The following MID2 variants were observed in gnomAD, a reference collection of about 807,000 sequenced individuals.
MID2 encodes the protein midline 2.
In MID2, 13 loss-of-function variants were observed where a neutral mutation model predicts 46.1. The observed-to-expected ratio is 0.28, with a 90% CI of 0.18 to 0.45. The LOEUF is 0.45. MID2 is among the 20% of genes least tolerant of loss of function. The pLI is 1.00. For synonymous variants in MID2, 199 were observed against 212.3 expected, an observed-to-expected ratio of 0.94 and a Z score of 0.55; for missense variants, 431 against 575.4, an observed-to-expected ratio of 0.75 and a Z score of 2.57.
intron 2 of MID2, 36 bp from the exon 3 acceptor site, chrX:107,854,573 G>T: frequency 9.6e-7 from 1 of 1,040,754 alleles, no homozygotes; most frequent in South Asian, 1.9e-5. Flanking sequence ...CCCTCTTCTC[G>T]GTTCCCCTCT....
At chrX:107,852,365 TG>T (rs1359046028) in intron 2 of MID2, among the ~76,000 whole-genome samples, 1 of 112,186 alleles carries the variant, frequency 8.9e-6, no homozygotes, top group East Asian at 2.8e-4. Context: ...AATACATTTT[TG>T]TATTAAATTT....
At chrX:107,925,984 G>A in intron 8 of MID2, 110 bp from the exon 9 acceptor site, 1 of 557,561 alleles carries the variant, frequency 1.8e-6, no homozygotes, top group Non-Finnish European at 2.9e-6. Flanking sequence ...TGGACCAAGA[G>A]TGATCATGTT....
intron 1 of MID2, among the ~76,000 whole-genome samples, chrX:107,835,367 T>C (rs191392668): frequency 5.3e-5 from 6 of 112,185 alleles, no homozygotes; most frequent in African/African-American, 1.9e-4. Flanking sequence ...TTTGGGTATA[T>C]ACCTAGGAGT....
chrX:107,892,721 G>A (rs975902321), intron 3 of MID2, among the ~76,000 whole-genome samples: 3 of 111,846 alleles, frequency 2.7e-5, no homozygotes, highest in African/African-American at 9.8e-5. Context: ...CTTCTCTGCT[G>A]TGAATCTCCC....
chrX:107,895,222 G>A (rs1369560444), intron 3 of MID2: 2 of 104,796 alleles, frequency 1.9e-5, no homozygotes, highest in African/African-American at 7.4e-5. Context: ...TTTTGGGGGG[G>A]GGGTGGATAG....
At chrX:107,839,145 C>G (rs1261485356) in intron 1 of MID2, among the ~76,000 whole-genome samples, 2 of 110,225 alleles carry the variant, frequency 1.8e-5, no homozygotes, top group Non-Finnish European at 3.8e-5. Flanking sequence ...TGCCCTTTTT[C>G]TTTCCTATAC....
intron 2 of MID2, among the ~76,000 whole-genome samples, chrX:107,843,860 A>C (rs1204497251): frequency 9.1e-6 from 1 of 110,277 alleles, no homozygotes; most frequent in Non-Finnish European, 1.9e-5. Context: ...GAAAGGGAGA[A>C]AGTTGGCTGG....
intron 6 of MID2, among the ~76,000 whole-genome samples, chrX:107,917,047 AGGAGAATCACT>A (rs1263888287): frequency 8.9e-6 from 1 of 112,070 alleles, no homozygotes; most frequent in Non-Finnish European, 1.9e-5. Context: ...AGGCTGATGC[AGGAGAATCACT>A]TGAACCCAGA....
chrX:107,886,424 G>T (rs1429666405), intron 3 of MID2, among the ~76,000 whole-genome samples: 10 of 110,129 alleles, frequency 9.1e-5, no homozygotes, highest in East Asian at 2.8e-4. Flanking sequence ...TCAAAGATCA[G>T]ACAGTTGTAG....
At chrX:107,891,279 C>CTTTTT (rs753102005) in intron 3 of MID2, among the ~76,000 whole-genome samples, 1 of 93,366 alleles carries the variant, frequency 1.1e-5, no homozygotes. Flanking sequence ...TGTTTTATAC[C>CTTTTT]TTTTTTTTTT....
At chrX:107,856,872 G>A (rs1466583038) in intron 3 of MID2, among the ~76,000 whole-genome samples, 1 of 112,177 alleles carries the variant, frequency 8.9e-6, no homozygotes, top group African/African-American at 3.2e-5. Flanking sequence ...GTTCTTTTAT[G>A]GATGCTTGCT....
rs1256076164 is a variant in MID2, at chrX:107,930,585, T to C, written c.*3512T>C. 2.7e-5 allele frequency among the ~76,000 whole-genome samples: 3 copies of C among 111,812 alleles called. No individual in the cohort carries two copies. The highest frequency in any genetic ancestry group is 5.7e-5 in the Non-Finnish European group (3 of 53,092). On this transcript the variant is annotated 3_prime_UTR_variant, in exon 10 of 10. Transcript: ENST00000262843. Reference sequence around the variant, plus strand: ...AAATTCTGAGTCAAACAGTGAAAAATGACTTCTAAGATACAACATGGTGAC... The same window carrying C: ...AAATTCTGAGTCAAACAGTGAAAAACGACTTCTAAGATACAACATGGTGAC...
chrX:107,870,641 A>G (rs1158333784), intron 3 of MID2, among the ~76,000 whole-genome samples: 2 of 110,534 alleles, frequency 1.8e-5, no homozygotes, highest in Non-Finnish European at 3.8e-5. Flanking sequence ...TGACTTTCCA[A>G]TTGTGTGCAT....
rs12849510 is a variant in MID2, at chrX:107,916,061, C to A, written c.1133C>A (p.Ala378Asp). The A allele has an allele frequency of 0.043, 51,860 of 1,198,027 alleles. 969 individuals carry two copies. Among genetic ancestry groups the A allele is most frequent in the Middle Eastern group, 0.15 (634 of 4,294 alleles). The part of the protein sequence containing the change: ...VLIPDINFND[A>D]FENFALDFSR... ...ATTCCAGACATCAATTTTAATGATG[C>A]CTTTGAAAACTTTGCTTTAGATTTT... The change falls in exon 6 of 10, where the codon GCC becomes GAC. Residue 378 changes from alanine to aspartate, a missense_variant. Ala to Asp is a moderately radical substitution (Grantham distance 126). Transcript: ENST00000262843.
intron 7 of MID2, among the ~76,000 whole-genome samples, chrX:107,924,099 T>A (rs1307563244): frequency 8.9e-6 from 1 of 112,386 alleles, no homozygotes; most frequent in Non-Finnish European, 1.9e-5. Context: ...TGAAATAACC[T>A]AACTTATGCT....
At position 107,916,170 on chromosome X, in the gene MID2, TC is replaced by T. The variant is rs766364854; in HGVS notation, c.1201+42del. 25 of 1,019,570 alleles carry T rather than the reference TC, an allele frequency of 2.5e-5. No individual in the cohort carries two copies. In the African/African-American group the frequency reaches 3.9e-4, roughly 16 times the overall value. The allele number at this position is 1,019,570 out of a possible 1,213,427, so 84.0% of individuals were successfully genotyped here. ...GCTTTCCTTTCCATTTAATTTTTTT[TC>T]TTCTGGTATGCTTTTACTTAAAAAT... On this transcript the variant is annotated intron_variant, in intron 6 of 9. Coordinates refer to ENST00000262843, the MANE Select transcript of MID2 (RefSeq NM_012216.4).
intron 3 of MID2, among the ~76,000 whole-genome samples, chrX:107,866,864 G>A (rs1031516885): frequency 3.6e-5 from 4 of 112,290 alleles, no homozygotes; most frequent in Admixed American, 2.8e-4. Flanking sequence ...TGCTCCAGGT[G>A]TCATGCCAAG....
intron 3 of MID2, among the ~76,000 whole-genome samples, chrX:107,877,678 C>A (rs1932229448): frequency 8.9e-6 from 1 of 111,773 alleles, no homozygotes; most frequent in African/African-American, 3.3e-5. Context: ...CCTTTGGGTT[C>A]CCAGGGCTTT....
At chrX:107,869,902 T>C (rs1261136390) in intron 3 of MID2, among the ~76,000 whole-genome samples, 2 of 111,368 alleles carry the variant, frequency 1.8e-5, no homozygotes, top group Non-Finnish European at 3.8e-5. Flanking sequence ...TTTATACCAA[T>C]TATTTCATGT....
Sources: gnomAD v4.1 joint callset for allele counts (sites outside exome capture counted in the v4.1 genomes callset) on GRCh38, gnomAD v4.1.1 for gene constraint, MANE v1.5 for transcripts, NCBI Gene and HGNC (gene_info 2026-07-23, HGNC 2026-07-21) for gene names.